KCNMA1: variants seen among roughly 807,000 people sequenced by gnomAD.
KCNMA1 encodes the protein Calcium-activated potassium channel subunit alpha-1.
Under a neutral mutation model 140.0 loss-of-function variants are expected in KCNMA1, and 29 were observed. The ratio of observed to expected loss-of-function variants is 0.21; its 90% confidence interval spans 0.15 to 0.28. The LOEUF (loss-of-function observed/expected upper bound fraction) is 0.28. Among genes scored for constraint, KCNMA1 ranks in the 10% least tolerant of loss-of-function variants. The probability of loss-of-function intolerance (pLI) is 1.00; values close to 1 mark genes in which losing one functional copy is unlikely to be tolerated. For missense variants in KCNMA1, 880 were observed against 1,602.2 expected (o/e 0.55, Z 7.70); for synonymous variants, 612 against 611.9 (o/e 1.00, Z 0.00).
intron 15 of KCNMA1, chr10:77,039,031 T>G (rs1321034555): frequency 3.2e-5 from 6 of 189,006 alleles, no homozygotes; most frequent in African/African-American, 1.4e-4. Flanking sequence ...GCTCAAGGCC[T>G]CCTTCTGTAT....
rs373552649 is a variant in KCNMA1, at chr10:77,441,179, C to T, written c.379-37156G>A. ...GTTTGGAAAGGTGAAGGGCCCTGAACGACTGAAGATGGCTCAGGGGTGCAG... is the reference window on the plus strand; with the variant it reads ...GTTTGGAAAGGTGAAGGGCCCTGAATGACTGAAGATGGCTCAGGGGTGCAG... On this transcript the variant is annotated intron_variant, in intron 1 of 27. Transcript: ENST00000286628. Among the ~76,000 whole-genome samples, 26 of 152,198 alleles carry T rather than the reference C, an allele frequency of 1.7e-4. No homozygotes were observed. In the South Asian group the frequency reaches 2.9e-3, roughly 17 times the overall value.
chr10:77,010,355 G>T (rs2090402053), intron 18 of KCNMA1, among the ~76,000 whole-genome samples: 1 of 151,964 alleles, frequency 6.6e-6, no homozygotes, highest in East Asian at 1.9e-4. Flanking sequence ...GGTGAAGAAG[G>T]TCTTTGGATT....
intron 1 of KCNMA1, among the ~76,000 whole-genome samples, chr10:77,562,446 A>G (rs1167742665): frequency 6.6e-6 from 1 of 152,234 alleles, no homozygotes; most frequent in African/African-American, 2.4e-5. Flanking sequence ...TCCATAAAAC[A>G]GTTTCTTCAT....
At chr10:76,878,189 G>A (rs891478089) in intron 29 of KCNMA1, among the ~76,000 whole-genome samples, 4 of 152,160 alleles carry the variant, frequency 2.6e-5, no homozygotes, top group Non-Finnish European at 1.5e-5. Flanking sequence ...GTCCCTTGGA[G>A]TTAATTTCAT....
chr10:77,224,664 T>C (rs527667285), intron 3 of KCNMA1, among the ~76,000 whole-genome samples: 2 of 152,238 alleles, frequency 1.3e-5, no homozygotes, highest in African/African-American at 2.4e-5. Context: ...CTCACTCCCA[T>C]TGCAGTGCCA....
At chr10:77,574,535 C>T (rs1245124869) in intron 1 of KCNMA1, among the ~76,000 whole-genome samples, 1 of 152,138 alleles carries the variant, frequency 6.6e-6, no homozygotes, top group Non-Finnish European at 1.5e-5. Context: ...AAAGAAGTCT[C>T]GTTAAATTCT....
chr10:77,152,691 C>T (rs1032110300), intron 5 of KCNMA1, among the ~76,000 whole-genome samples: 9 of 152,122 alleles, frequency 5.9e-5, no homozygotes, highest in Non-Finnish European at 1.0e-4. Context: ...GACAGGCCCA[C>T]AAGCAAGCTT....
At chr10:77,070,970 T>G (rs558694451) in intron 14 of KCNMA1, among the ~76,000 whole-genome samples, 1 of 152,330 alleles carries the variant, frequency 6.6e-6, no homozygotes, top group East Asian at 1.9e-4. Context: ...AAAGGTCATA[T>G]TCAGAGAGCT....
chr10:77,302,680 G>C (rs1030576498), intron 2 of KCNMA1, among the ~76,000 whole-genome samples: 1 of 152,208 alleles, frequency 6.6e-6, no homozygotes, highest in Non-Finnish European at 1.5e-5. Context: ...CCCAAAGTCA[G>C]GTAGTCTCTG....
intron 19 of KCNMA1, among the ~76,000 whole-genome samples, chr10:76,982,219 T>C (rs1402861380): frequency 1.3e-5 from 2 of 151,226 alleles, no homozygotes; most frequent in Non-Finnish European, 1.5e-5. Flanking sequence ...TACGAACTCA[T>C]AAGTTACATA....
chr10:77,218,450 G>C (rs978099446), intron 3 of KCNMA1, among the ~76,000 whole-genome samples: 3 of 152,168 alleles, frequency 2.0e-5, no homozygotes, highest in Non-Finnish European at 2.9e-5. Flanking sequence ...GAGCTGGGTA[G>C]ATGCTCCTGA....
At chr10:77,077,863 G>C (rs571566898) in intron 13 of KCNMA1, 1 of 152,282 alleles carries the variant, frequency 6.6e-6, no homozygotes, top group East Asian at 1.9e-4. Context: ...AGTGTCCTTG[G>C]GTTTTCCAGA....
At chr10:77,320,168 A>G (rs1475955127) in intron 2 of KCNMA1, among the ~76,000 whole-genome samples, 1 of 152,176 alleles carries the variant, frequency 6.6e-6, no homozygotes, top group African/African-American at 2.4e-5. Flanking sequence ...ACTCATCAAC[A>G]TATTTTTTCT....
intron 26 of KCNMA1, among the ~76,000 whole-genome samples, chr10:76,890,166 A>G (rs192311717): frequency 6.6e-6 from 1 of 152,312 alleles, no homozygotes; most frequent in East Asian, 1.9e-4. Flanking sequence ...TGCAGGCTGA[A>G]TAACTAGGAT....
rs36130333 is a variant in KCNMA1 at position 77,506,644 on chromosome 10, GGAGA to G, written c.379-102625_379-102622del. 5.0e-3 allele frequency among the ~76,000 whole-genome samples: 190 copies of G among 37,868 alleles called. 2 individuals are homozygous for G. Among genetic ancestry groups the G allele is most frequent in the East Asian group, 0.045 (50 of 1,108 alleles). The allele number at this position is 37,868 out of a possible 152,430, so 24.8% of individuals were successfully genotyped here. A position where few individuals can be genotyped will look rare whatever the true frequency, so the allele number is the denominator to read the frequency against. On this transcript the variant is annotated intron_variant, in intron 1 of 27. Coordinates refer to ENST00000286628, the MANE Select transcript of KCNMA1 (RefSeq NM_001161352.2). Reference sequence around the variant, plus strand: ...GTTAGAGAGGGAGAGAGACAGAGAGGGAGAGAGAGAGAGAGAGAGAGAGCTTTGA... The same window carrying G: ...GTTAGAGAGGGAGAGAGACAGAGAGGGAGAGAGAGAGAGAGAGAGCTTTGA...
At chr10:77,527,563 T>C (rs1306472809) in intron 1 of KCNMA1, among the ~76,000 whole-genome samples, 1 of 152,134 alleles carries the variant, frequency 6.6e-6, no homozygotes, top group Non-Finnish European at 1.5e-5. Context: ...CCCATGGGCA[T>C]ACCCAGATCT....
chr10:77,265,409 C>T (rs2063163449), intron 2 of KCNMA1, among the ~76,000 whole-genome samples: 1 of 152,178 alleles, frequency 6.6e-6, no homozygotes, highest in African/African-American at 2.4e-5. Context: ...TCAGAGACCA[C>T]ATTTTGAGAA....
intron 1 of KCNMA1, among the ~76,000 whole-genome samples, chr10:77,424,902 C>T (rs1000518906): frequency 6.6e-6 from 1 of 152,194 alleles, no homozygotes; most frequent in African/African-American, 2.4e-5. Flanking sequence ...CAGCTATTTG[C>T]TGATTTATTT....
intron 2 of KCNMA1, among the ~76,000 whole-genome samples, chr10:77,320,496 C>T (rs773210097): frequency 8.5e-5 from 13 of 152,048 alleles, no homozygotes; most frequent in Non-Finnish European, 1.8e-4. Context: ...CTGTGGCTCT[C>T]GGTGCTCTGC....
Sources: gnomAD v4.1 joint callset for allele counts (sites outside exome capture counted in the v4.1 genomes callset) on GRCh38, gnomAD v4.1.1 for gene constraint, MANE v1.5 for transcripts, NCBI Gene and HGNC (gene_info 2026-07-23, HGNC 2026-07-21) for gene names.